RNF216: variants seen among roughly 807,000 people sequenced by gnomAD.
RNF216 encodes E3 ubiquitin-protein ligase RNF216.
In RNF216, 72 loss-of-function variants were observed where a neutral mutation model predicts 110.8. That is an observed-to-expected ratio of 0.65 (90% CI 0.54 to 0.79). RNF216 has a LOEUF of 0.79. Among genes scored for constraint, RNF216 ranks in the 30% least tolerant of loss-of-function variants. The pLI, the probability that RNF216 is intolerant of heterozygous loss-of-function variation, is 0.00. For missense variants in RNF216, 1,342 were observed against 1,141.2 expected (o/e 1.18, Z -2.54); for synonymous variants, 495 against 407.5 (o/e 1.21, Z -2.59).
At chr7:5,778,914 T>C (rs182450589) in intron 1 of RNF216, among the ~76,000 whole-genome samples, 9 of 152,322 alleles carry the variant, frequency 5.9e-5, no homozygotes, top group East Asian at 3.9e-4. Flanking sequence ...TGGCTAATTT[T>C]TGTATTTTTA....
chr7:5,760,859 TTC>T, intron 2 of RNF216, 142 bp downstream of exon 2: 1 of 663,762 alleles, frequency 1.5e-6, no homozygotes. Context: ...TCTGATATAA[TTC>T]TAGTCTAACT....
At chr7:5,628,286 A>C (rs1786840479) in intron 15 of RNF216, among the ~76,000 whole-genome samples, 1 of 151,984 alleles carries the variant, frequency 6.6e-6, no homozygotes, top group Admixed American at 6.6e-5. Context: ...TCTGGTTTGT[A>C]TTTCACCCAA....
At chr7:5,677,120 T>C (rs933874218) in intron 13 of RNF216, among the ~76,000 whole-genome samples, 3 of 152,220 alleles carry the variant, frequency 2.0e-5, no homozygotes, top group African/African-American at 7.2e-5. Flanking sequence ...ATGGTTTACA[T>C]AGTGTGGAAA....
intron 5 of RNF216, among the ~76,000 whole-genome samples, chr7:5,736,597 G>A (rs1362682332): frequency 6.6e-6 from 1 of 150,850 alleles, no homozygotes; most frequent in Non-Finnish European, 1.5e-5. Flanking sequence ...TGGGATATGA[G>A]GAGCCCCTCT....
chr7:5,623,045 G>C lies in RNF216; in HGVS notation c.2587C>G (p.Pro863Ala). The C allele has an allele frequency of 6.2e-7, 1 of 1,614,048 alleles. No individual in the cohort carries two copies. The highest frequency in any genetic ancestry group is 8.5e-7 in the Non-Finnish European group (1 of 1,179,948). ...QMPPYAFAHP[P>A]FPLPPVRPVF... is the part of the protein sequence containing the mutation. ...GGCCGCACGGGAGGCAGGGGGAAGG[G>C]TGGGTGCGCGAAGGCATAGGGTGGC... Residue 863 changes from proline (P) to alanine (A), a missense_variant, in exon 17 of 17, where the codon CCC becomes GCC. Pro to Ala is a conservative substitution (Grantham distance 27). Coordinates refer to ENST00000389902, the MANE Select transcript of RNF216 (RefSeq NM_207111.4).
chr7:5,770,900 T>C (rs1796460070), intron 1 of RNF216, among the ~76,000 whole-genome samples: 1 of 150,618 alleles, frequency 6.6e-6, no homozygotes, highest in African/African-American at 2.4e-5. Context: ...CTCCGCCTCC[T>C]GGGTTCAAGC....
intron 3 of RNF216, among the ~76,000 whole-genome samples, chr7:5,748,223 T>A (rs1272569331): frequency 1.3e-5 from 2 of 152,206 alleles, no homozygotes; most frequent in Non-Finnish European, 2.9e-5. Flanking sequence ...TGCCAGCTTA[T>A]AGAGGCTGCA....
intron 2 of RNF216, among the ~76,000 whole-genome samples, chr7:5,754,484 A>C (rs1364692297): frequency 6.6e-6 from 1 of 151,916 alleles, no homozygotes; most frequent in Middle Eastern, 3.2e-3. Flanking sequence ...ATTTTTAAGG[A>C]TGAGGAGTTG....
At chr7:5,631,940 CACGGGAGGCTGGCA>C (rs1281146023) in intron 15 of RNF216, among the ~76,000 whole-genome samples, 2 of 152,206 alleles carry the variant, frequency 1.3e-5, no homozygotes, top group African/African-American at 4.8e-5. Context: ...TTCTCCACGC[CACGGGAGGCTGGCA>C]AGGATTTCAT....
At chr7:5,672,023 AG>A (rs1390016211) in intron 13 of RNF216, among the ~76,000 whole-genome samples, 1 of 152,212 alleles carries the variant, frequency 6.6e-6, no homozygotes, top group African/African-American at 2.4e-5. Flanking sequence ...TATTTTGCTA[AG>A]GCAGCCGAGC....
chr7:5,712,175 T>C (rs568343819), intron 12 of RNF216, among the ~76,000 whole-genome samples: 1 of 152,214 alleles, frequency 6.6e-6, no homozygotes, highest in Non-Finnish European at 1.5e-5. Flanking sequence ...TGCCAAGATA[T>C]GTAGACAGAA....
chr7:5,665,077 CACGA>C (rs577747907), intron 13 of RNF216, among the ~76,000 whole-genome samples: 124 of 152,306 alleles, frequency 8.1e-4, no homozygotes, highest in Non-Finnish European at 1.4e-3. Context: ...CGATTACAGG[CACGA>C]ACCACCGCAC....
At chr7:5,644,960 G>A (rs922406308) in intron 14 of RNF216, among the ~76,000 whole-genome samples, 6 of 151,892 alleles carry the variant, frequency 4.0e-5, no homozygotes, top group Non-Finnish European at 7.4e-5. Flanking sequence ...GAGCAGCTGG[G>A]ACTACAGGCA....
At chr7:5,708,478 G>C (rs1792443126) in intron 13 of RNF216, among the ~76,000 whole-genome samples, 1 of 152,156 alleles carries the variant, frequency 6.6e-6, no homozygotes, top group Non-Finnish European at 1.5e-5. Context: ...TGGTGTGAAA[G>C]TGATACACAT....
intron 13 of RNF216, among the ~76,000 whole-genome samples, chr7:5,674,398 C>G (rs756016394): frequency 1.3e-5 from 2 of 151,532 alleles, no homozygotes; most frequent in Non-Finnish European, 2.9e-5. Context: ...ACCTCATGAT[C>G]CGCCTGCCTC....
In RNF216 at chr7:5,712,768, A is replaced by G. The variant is rs1011369037; in HGVS notation, c.1929T>C (p.Tyr643=). 1.1e-5 allele frequency: 18 copies of G among 1,613,988 alleles called. No individual in the cohort carries two copies. Among genetic ancestry groups the G allele is most frequent in the Admixed American group, 5.0e-5 (3 of 59,996 alleles). The change falls in exon 12 of 17, where the codon TAT becomes TAC. Residue 643 remains tyrosine, a synonymous_variant. Coordinates refer to ENST00000389902, the MANE Select transcript of RNF216 (RefSeq NM_207111.4). The part of the protein sequence containing the change: ...VLPQTILYKY[Y]ERKAEEEVAA... Reference sequence around the variant, plus strand: ...CAACCTCCTCCTCGGCTTTTCGCTCATAGTACTTATACAGGATGGTCTGGG... The same window carrying G: ...CAACCTCCTCCTCGGCTTTTCGCTCGTAGTACTTATACAGGATGGTCTGGG...
chr7:5,739,151 A>G, intron 5 of RNF216, 125 bp downstream of exon 5: 1 of 1,161,690 alleles, frequency 8.6e-7, no homozygotes, highest in Non-Finnish European at 1.2e-6. Context: ...TAGTTGCATA[A>G]TAATGTGAAT....
At chr7:5,661,526 G>A (rs1425739026) in intron 13 of RNF216, among the ~76,000 whole-genome samples, 1 of 152,158 alleles carries the variant, frequency 6.6e-6, no homozygotes, top group South Asian at 2.1e-4. Context: ...AATACGGCTG[G>A]GCATGGTGGT....
intron 2 of RNF216, among the ~76,000 whole-genome samples, chr7:5,756,117 AGTG>A (rs1351950127): frequency 3.1e-4 from 23 of 74,978 alleles, no homozygotes; most frequent in African/African-American, 8.0e-4. Context: ...CGTGATAGTG[AGTG>A]AGTCTTGAGG....
Sources: allele counts gnomAD v4.1 joint callset (sites outside exome capture counted in the v4.1 genomes callset), GRCh38; gene constraint gnomAD v4.1.1; transcripts MANE v1.5; gene names NCBI Gene and HGNC (gene_info 2026-07-23, HGNC 2026-07-21).